The following GNPTAB variants were observed in gnomAD, a reference collection of about 807,000 sequenced individuals.
GNPTAB encodes N-acetylglucosamine-1-phosphate transferase subunits alpha and beta.
A neutral mutation model predicts 136.6 loss-of-function variants in GNPTAB; 92 were observed. That is an observed-to-expected ratio of 0.67 (90% CI 0.57 to 0.80). GNPTAB has a LOEUF of 0.80. Among genes scored for constraint, GNPTAB ranks in the 30% least tolerant of loss-of-function variants. The pLI is 0.00. For synonymous variants in GNPTAB, 512 were observed against 535.1 expected (o/e 0.96, Z 0.60); for missense variants, 1,343 against 1,501.8 (o/e 0.89, Z 1.75).
chr12:101,820,812 C>T (rs1288325500), intron 1 of GNPTAB, among the ~76,000 whole-genome samples: 1 of 152,126 alleles, frequency 6.6e-6, no homozygotes, highest in East Asian at 1.9e-4. Flanking sequence ...AATCCCAGCA[C>T]TTTGGGAGGC....
rs1009670406 is a variant in GNPTAB, at chr12:101,764,165, C to T, written c.2715+37G>A. 1.3e-5 allele frequency: 21 copies of T among 1,613,006 alleles called. No individual in the cohort carries two copies. In the African/African-American group the frequency reaches 1.3e-4, roughly 10 times the overall value. The stretch of plus-strand genomic sequence containing the variant: ...ATTATCATGAGATTATTTACTCTTC[C>T]TGAGCATGAGAAAGAATGAGGCTGG... On this transcript the variant is annotated intron_variant, in intron 13 of 20. Coordinates refer to ENST00000299314, the MANE Select transcript of GNPTAB (RefSeq NM_024312.5).
chr12:101,824,430 A>ATTT (rs1186690337), intron 1 of GNPTAB, among the ~76,000 whole-genome samples: 51 of 78,806 alleles, frequency 6.5e-4, no homozygotes, highest in Non-Finnish European at 1.1e-3. Flanking sequence ...ATATATATAT[A>ATTT]TATTTTCTTT....
chr12:101,761,584 A>G lies in GNPTAB; in HGVS notation c.2895T>C (p.Val965=). The stretch of plus-strand genomic sequence containing the variant: ...CTTACATATCTTGCAGTTCTTGCAT[A>G]ACAATCCGGTCAATCATGTGAGGCA... ...AHMPHMIDRI[V]MQELQDMFPE... is the part of the protein sequence containing the mutation. Residue 965 remains valine, a synonymous_variant, in exon 14 of 21, where the codon GTT becomes GTC. Transcript: ENST00000299314. The G allele has an allele frequency of 6.2e-7, 1 of 1,614,156 alleles. No homozygotes were observed. The highest frequency in any genetic ancestry group is 8.5e-7 in the Non-Finnish European group (1 of 1,179,974).
intron 5 of GNPTAB, chr12:101,785,688 C>A: frequency 3.7e-6 from 1 of 269,970 alleles, no homozygotes; most frequent in Non-Finnish European, 7.1e-6. Flanking sequence ...AACTGCAGAA[C>A]GCTACCTAGT....
intron 9 of GNPTAB, 23 bp from the exon 10 acceptor site, chr12:101,770,214 A>C (rs774571144): frequency 1.2e-6 from 2 of 1,612,974 alleles, no homozygotes; most frequent in South Asian, 2.2e-5. Context: ...ACAAACAAAA[A>C]AAGAGAGTGA....
In GNPTAB at chr12:101,788,561, G is replaced by A. The variant is rs1296943709; in HGVS notation, c.352C>T (p.Pro118Ser). 2.6e-6 allele frequency: 4 copies of A among 1,565,116 alleles called. No homozygotes were observed. Among genetic ancestry groups the A allele is most frequent in the South Asian group, 1.1e-5 (1 of 90,014 alleles). ...CAAAATGCTTACCTCTTCTTAGTAGGTTCCGTTGTGTTTTTCCCAAGGATT... is the reference window on the plus strand; with the variant it reads ...CAAAATGCTTACCTCTTCTTAGTAGATTCCGTTGTGTTTTTCCCAAGGATT... ...REILGKNTTE[P>S]TKKSEKQLEC... Residue 118 changes from proline (P) to serine (S), a missense_variant, in exon 4 of 21, where the codon CCT (proline) becomes TCT (serine). By Grantham distance (74) the Pro-to-Ser change is moderately conservative (BLOSUM62 -1). Transcript: ENST00000299314.
intron 1 of GNPTAB, among the ~76,000 whole-genome samples, chr12:101,824,428 A>ATTT (rs1566103056): frequency 1.2e-5 from 1 of 84,076 alleles, no homozygotes; most frequent in Non-Finnish European, 2.3e-5. Flanking sequence ...ATATATATAT[A>ATTT]TATATTTTCT....
intron 1 of GNPTAB, among the ~76,000 whole-genome samples, chr12:101,805,710 T>C (rs1030301562): frequency 2.0e-5 from 3 of 152,124 alleles, no homozygotes; most frequent in Admixed American, 2.0e-4. Flanking sequence ...TTTTAAAAAA[T>C]AGCTGCTAGG....
chr12:101,808,342 C>T (rs1306942628), intron 1 of GNPTAB, among the ~76,000 whole-genome samples: 2 of 144,732 alleles, frequency 1.4e-5, no homozygotes, highest in East Asian at 2.1e-4. Context: ...GAGGACTGCT[C>T]GAGCCCAGGA....
At chr12:101,763,208 C>T (rs180873994) in intron 13 of GNPTAB, among the ~76,000 whole-genome samples, 121 of 130,044 alleles carry the variant, frequency 9.3e-4, no homozygotes, top group African/African-American at 2.7e-3. Flanking sequence ...GGAAAAAGAG[C>T]GAAACTCCAT....
chr12:101,796,709 T>C lies in GNPTAB; in HGVS notation c.171A>G (p.Arg57=). Residue 57 remains arginine, a synonymous_variant, in exon 2 of 21, where the codon AGA becomes AGG. Transcript: ENST00000299314. ...GAAAGGACTTTCCAGCAATATTGTC[T>C]CTATAGGAATCAAACAAAACATGGT... is the stretch of plus-strand genomic sequence containing the variant. The part of the protein sequence containing the change: ...DQYHVLFDSY[R]DNIAGKSFQN... 6.2e-7 allele frequency: 1 copy of C among 1,612,574 alleles called. No homozygotes were observed. The highest frequency in any genetic ancestry group is 2.2e-5 in the East Asian group (1 of 44,852).
chr12:101,789,893 A>C (rs1022764892), intron 3 of GNPTAB, 45 bp downstream of exon 3: 7 of 1,579,018 alleles, frequency 4.4e-6, no homozygotes, highest in Admixed American at 3.3e-5. Flanking sequence ...ACCTTATTAC[A>C]TCGCCACATT....
Position 101,770,103 on chromosome 12 carries a change from T to C in GNPTAB, c.1202A>G (p.Lys401Arg). 6.2e-7 allele frequency: 1 copy of C among 1,614,106 alleles called. No individual in the cohort carries two copies. The highest frequency in any genetic ancestry group is 1.1e-5 in the South Asian group (1 of 91,078). ...GACATCATCATTTAGGTAAATAAAC[T>C]TCTGGGACAGCCCTTCGATGCGATG... ...HIHRIEGLSQKFIYLNDDVMF... is the reference protein window; with the variant it reads ...HIHRIEGLSQRFIYLNDDVMF... The change falls in exon 10 of 21, where the codon AAG (lysine) becomes AGG (arginine). Residue 401 changes from lysine to arginine, a missense_variant. Transcript: ENST00000299314.
rs766137690 is a variant in GNPTAB, at chr12:101,766,311, G to A, written c.1409-17C>T. 9 of 1,601,812 alleles carry A rather than the reference G, an allele frequency of 5.6e-6. No individual in the cohort carries two copies. The highest frequency in any genetic ancestry group is 1.7e-5 in the Admixed American group (1 of 59,968). On this transcript the variant is annotated splice_polypyrimidine_tract_variant and intron_variant, in intron 11 of 20. Coordinates refer to ENST00000299314, the MANE Select transcript of GNPTAB (RefSeq NM_024312.5). ...CACTGTTTCCTGTAGATCGGAGGAAGAAGAGGGATTCTTGCTGTAATTACA... is the reference window on the plus strand; with the variant it reads ...CACTGTTTCCTGTAGATCGGAGGAAAAAGAGGGATTCTTGCTGTAATTACA...
chr12:101,773,230 T>C (rs566641003), intron 7 of GNPTAB: 2 of 216,808 alleles, frequency 9.2e-6, no homozygotes, highest in East Asian at 1.5e-4. Flanking sequence ...TCCACCTTCT[T>C]ACTACCTGTT....
At chr12:101,758,077 C>A (rs138782878) in intron 16 of GNPTAB, among the ~76,000 whole-genome samples, 2 of 147,242 alleles carry the variant, frequency 1.4e-5, no homozygotes, top group East Asian at 2.0e-4. Context: ...CTCACTCTAT[C>A]GCCCAGGCTG....
chr12:101,768,375 T>C (rs1953125664), intron 10 of GNPTAB, among the ~76,000 whole-genome samples: 1 of 152,226 alleles, frequency 6.6e-6, no homozygotes, highest in South Asian at 2.1e-4. Context: ...TGAGCGTATT[T>C]ACTTTTTTTC....
Position 101,828,930 on chromosome 12 carries a change from A to G in GNPTAB, c.117+1629T>C, listed in dbSNP as rs112536828. On this transcript the variant is annotated intron_variant, in intron 1 of 20. Transcript: ENST00000299314. ...AAGACCAATATAAGTATTAGCTATT[A>G]TTATGATCATTATCAACTGGAGTCA... 1.7e-3 allele frequency among the ~76,000 whole-genome samples: 253 copies of G among 152,356 alleles called. 2 individuals carry two copies. The highest frequency in any genetic ancestry group is 5.5e-3 in the African/African-American group (230 of 41,594).
Position 101,774,254 on chromosome 12 carries a change from G to A in GNPTAB, c.772-3097C>T, listed in dbSNP as rs199825271. On this transcript the variant is annotated intron_variant, in intron 7 of 20. Coordinates refer to ENST00000299314, the MANE Select transcript of GNPTAB (RefSeq NM_024312.5). ...GATGATGGTCAGGAGAAGCAGTGTT[G>A]TAGAACCCAAGAAAAAAATGTTAAT... Among the ~76,000 whole-genome samples the A allele has an allele frequency of 1.2e-4, 18 of 152,304 alleles. No homozygotes were observed. The East Asian group carries it at 3.3e-3, about 28-fold the overall frequency.
Sources: allele counts gnomAD v4.1 joint callset (sites outside exome capture counted in the v4.1 genomes callset), GRCh38; gene constraint gnomAD v4.1.1; transcripts MANE v1.5; gene names NCBI Gene and HGNC (gene_info 2026-07-23, HGNC 2026-07-21).